Variants in PICALM observed in about 807,000 individuals in gnomAD.
The protein encoded by PICALM is phosphatidylinositol-binding clathrin assembly protein.
PICALM carries 40 observed loss-of-function variants against 80.5 expected under a neutral mutation model. The observed-to-expected ratio is 0.50, with a 90% CI of 0.39 to 0.65. The LOEUF (loss-of-function observed/expected upper bound fraction) is 0.65. PICALM is among the 30% of genes least tolerant of loss of function. The probability of loss-of-function intolerance (pLI) is 0.00; values close to 1 mark genes in which losing one functional copy is unlikely to be tolerated. For missense variants in PICALM, 676 were observed against 778.9 expected, an observed-to-expected ratio of 0.87 and a Z score of 1.57; for synonymous variants, 288 against 260.3, an observed-to-expected ratio of 1.11 and a Z score of -1.02.
At chr11:85,994,011 C>T (rs2094880421) in intron 12 of PICALM, among the ~76,000 whole-genome samples, 1 of 152,032 alleles carries the variant, frequency 6.6e-6, no homozygotes, top group Admixed American at 6.5e-5. Context: ...TGAGCCACTG[C>T]ACCTGCCCAG....
At chr11:86,046,198 GCT>G in intron 1 of PICALM, among the ~76,000 whole-genome samples, 1 of 152,152 alleles carries the variant, frequency 6.6e-6, no homozygotes, top group South Asian at 2.1e-4. Flanking sequence ...CTGAAGTTCT[GCT>G]CTAGACTCTC....
At chr11:86,014,093 CACTT>C (rs2095442148) in intron 5 of PICALM, among the ~76,000 whole-genome samples, 1 of 152,144 alleles carries the variant, frequency 6.6e-6, no homozygotes, top group South Asian at 2.1e-4. Flanking sequence ...GTTTACTGAA[CACTT>C]ACTATGTGCC....
chr11:85,968,679 TA>T (rs1335440312), intron 19 of PICALM, among the ~76,000 whole-genome samples: 1 of 152,090 alleles, frequency 6.6e-6, no homozygotes, highest in Non-Finnish European at 1.5e-5. Flanking sequence ...AAAGCACCAG[TA>T]AGAGAAAGCA....
At chr11:86,017,835 T>G (rs1454998801) in intron 4 of PICALM, among the ~76,000 whole-genome samples, 1 of 152,126 alleles carries the variant, frequency 6.6e-6, no homozygotes, top group Non-Finnish European at 1.5e-5. Flanking sequence ...ACCAAAGTAT[T>G]AAAAGATATA....
intron 16 of PICALM, 50 bp from the exon 17 acceptor site, chr11:85,981,278 T>C (rs1276146969): frequency 9.3e-7 from 1 of 1,072,112 alleles, no homozygotes; most frequent in Non-Finnish European, 1.4e-6. Context: ...TTATAAAGTT[T>C]CCTTAGCTAT....
chr11:85,992,933 C>A (rs555688643), intron 12 of PICALM, among the ~76,000 whole-genome samples: 2 of 152,158 alleles, frequency 1.3e-5, no homozygotes, highest in African/African-American at 4.8e-5. Context: ...AGTTCCTAAT[C>A]TACTTGACAA....
chr11:85,983,771 A>G, intron 14 of PICALM, 95 bp downstream of exon 14: 1 of 549,776 alleles, frequency 1.8e-6, no homozygotes, highest in Non-Finnish European at 3.2e-6. Context: ...CCCCAGTTTA[A>G]TATATCTAAA....
rs539559285 is a variant in PICALM at position 85,976,892 on chromosome 11, C to G, written c.1780-210G>C. Reference sequence around the variant, plus strand: ...AAAAGCAGACTTATTAGAAGGATAACTATACCACTTAAACTTAGATACAGC... The same window carrying G: ...AAAAGCAGACTTATTAGAAGGATAAGTATACCACTTAAACTTAGATACAGC... On this transcript the variant is annotated intron_variant, in intron 17 of 19. Coordinates refer to ENST00000393346, the MANE Select transcript of PICALM (RefSeq NM_007166.4). 111 of 448,190 alleles carry G rather than the reference C, an allele frequency of 2.5e-4. No individual in the cohort carries two copies. The South Asian group carries it at 3.2e-3, about 13-fold the overall frequency. 27.8% of individuals were successfully genotyped at this position (448,190 alleles called of 1,614,324 possible).
intron 9 of PICALM, among the ~76,000 whole-genome samples, chr11:86,001,608 C>T (rs1405346179): frequency 6.6e-6 from 1 of 152,204 alleles, no homozygotes; most frequent in Non-Finnish European, 1.5e-5. Flanking sequence ...TAACACGTAA[C>T]GTAAGTCTAG....
At chr11:85,984,105 A>C in intron 13 of PICALM, 132 bp from the exon 14 acceptor site, 1 of 571,126 alleles carries the variant, frequency 1.8e-6, no homozygotes, top group Non-Finnish European at 3.1e-6. Context: ...CCTTCAAGCA[A>C]AATGTTTTCT....
intron 10 of PICALM, 83 bp downstream of exon 10, chr11:86,000,952 G>C: frequency 6.5e-7 from 1 of 1,535,118 alleles, no homozygotes; most frequent in African/African-American, 1.4e-5. Flanking sequence ...ATACATTTAA[G>C]ACTCTAAGTC....
chr11:86,032,249 A>G (rs2136792871), intron 1 of PICALM, among the ~76,000 whole-genome samples: 1 of 152,322 alleles, frequency 6.6e-6, no homozygotes, highest in East Asian at 1.9e-4. Context: ...ACAAAACTGG[A>G]AAAAAAGATT....
chr11:86,061,563 C>T (rs1026875773), intron 1 of PICALM, among the ~76,000 whole-genome samples: 1 of 152,122 alleles, frequency 6.6e-6, no homozygotes, highest in Non-Finnish European at 1.5e-5. Context: ...TACCACTACA[C>T]ACCTATTAGA....
chr11:85,982,423 C>CT lies in PICALM; in HGVS notation c.1517-421dup, dbSNP rs59672357. ...ACGTTAAGAAATAAGATTTTATAGA[C>CT]TTTTTTTTTTTTTTTGAGACGGAGT... On this transcript the variant is annotated intron_variant, in intron 14 of 19. Coordinates refer to ENST00000393346, the MANE Select transcript of PICALM (RefSeq NM_007166.4). Among the ~76,000 whole-genome samples the CT allele has an allele frequency of 7.2e-3, 502 of 70,164 alleles. 55 individuals are homozygous for CT. Among genetic ancestry groups the CT allele is most frequent in the African/African-American group, 0.014 (212 of 15,468 alleles). 46.0% of individuals were successfully genotyped at this position (70,164 alleles called of 152,430 possible). A position where few individuals can be genotyped will look rare whatever the true frequency, so the allele number is the denominator to read the frequency against.
chr11:86,043,935 T>C (rs1300568183), intron 1 of PICALM, among the ~76,000 whole-genome samples: 1 of 152,192 alleles, frequency 6.6e-6, no homozygotes, highest in Non-Finnish European at 1.5e-5. Flanking sequence ...TTCCGTTCCA[T>C]GTCCCCAATG....
chr11:85,976,170 T>C (rs1439122644), intron 18 of PICALM, among the ~76,000 whole-genome samples: 1 of 152,210 alleles, frequency 6.6e-6, no homozygotes, highest in Admixed American at 6.5e-5. Flanking sequence ...TGTGGCATTT[T>C]GAAAGGTTAA....
intron 17 of PICALM, chr11:85,978,681 TAGG>T (rs1250045791): frequency 2.0e-5 from 3 of 152,090 alleles, no homozygotes; most frequent in African/African-American, 4.8e-5. Flanking sequence ...GCAAAATCCT[TAGG>T]AGATGATACA....
chr11:86,024,443 CTT>C (rs11452201), intron 3 of PICALM, among the ~76,000 whole-genome samples: 15 of 137,652 alleles, frequency 1.1e-4, no homozygotes, highest in Admixed American at 1.5e-4. Flanking sequence ...TTCCCCTGAT[CTT>C]TTTTTTTTTT....
chr11:86,032,491 TG>T (rs2095770948), intron 1 of PICALM, among the ~76,000 whole-genome samples: 1 of 152,016 alleles, frequency 6.6e-6, no homozygotes, highest in Non-Finnish European at 1.5e-5. Context: ...CTGGGCTTGG[TG>T]GCGGGCATGG....
Sources: gnomAD v4.1 joint callset for allele counts (sites outside exome capture counted in the v4.1 genomes callset) on GRCh38, gnomAD v4.1.1 for gene constraint, MANE v1.5 for transcripts, NCBI Gene and HGNC (gene_info 2026-07-23, HGNC 2026-07-21) for gene names.